CTNNA3: variants seen among roughly 807,000 people sequenced by gnomAD.
The protein encoded by CTNNA3 is catenin alpha 3.
In CTNNA3, 76 loss-of-function variants were observed where a neutral mutation model predicts 95.7. That is an observed-to-expected ratio of 0.79 (90% CI 0.66 to 0.96). The LOEUF (loss-of-function observed/expected upper bound fraction) is 0.96, where lower values mean the gene tolerates loss of function less well. CTNNA3 is among the 40% of genes least tolerant of loss of function. CTNNA3 has a pLI of 0.00. For missense variants in CTNNA3, 1,191 were observed against 1,089.8 expected (o/e 1.09, Z -1.31); for synonymous variants, 431 against 374.4 (o/e 1.15, Z -1.74).
At chr10:67,128,438 C>CTT (rs901244264) in intron 7 of CTNNA3, among the ~76,000 whole-genome samples, 1 of 147,982 alleles carries the variant, frequency 6.8e-6, no homozygotes. Flanking sequence ...TAATCTGATC[C>CTT]TTTTTTTTTT....
chr10:67,138,282 C>A (rs1256141237), intron 7 of CTNNA3, among the ~76,000 whole-genome samples: 1 of 152,122 alleles, frequency 6.6e-6, no homozygotes, highest in African/African-American at 2.4e-5. Flanking sequence ...CAGCAGTGGA[C>A]CCCTTCAGGT....
Position 67,077,180 on chromosome 10 carries a change from C to T in CTNNA3, c.1047+103137G>A, listed in dbSNP as rs545011300. ...ATCCACACTGCCATCTTGCTTCTCT[C>T]ATGGATCTTCCAGTAGCCTTTGAAC... On this transcript the variant is annotated intron_variant, in intron 7 of 17. Coordinates refer to ENST00000433211, the MANE Select transcript of CTNNA3 (RefSeq NM_013266.4). Among the ~76,000 whole-genome samples, 7 of 152,298 alleles carry T rather than the reference C, an allele frequency of 4.6e-5. No individual in the cohort carries two copies. The South Asian group carries it at 8.3e-4, about 18-fold the overall frequency.
intron 12 of CTNNA3, among the ~76,000 whole-genome samples, chr10:66,290,124 G>A (rs2091655183): frequency 6.6e-6 from 1 of 152,012 alleles, no homozygotes; most frequent in African/African-American, 2.4e-5. Context: ...TGGGTGGATA[G>A]ATGCATAGAT....
chr10:65,923,338 A>G (rs2077118693), intron 17 of CTNNA3, among the ~76,000 whole-genome samples: 1 of 152,238 alleles, frequency 6.6e-6, no homozygotes, highest in East Asian at 1.9e-4. Context: ...ATGCCACAGT[A>G]AATGCTTAAA....
chr10:66,915,617 T>A (rs539982775), intron 7 of CTNNA3, among the ~76,000 whole-genome samples: 4 of 151,660 alleles, frequency 2.6e-5, no homozygotes, highest in Admixed American at 2.6e-4. Context: ...GAATTGGATA[T>A]TGGAGCCAAG....
chr10:67,424,086 T>G (rs553741764), intron 5 of CTNNA3, among the ~76,000 whole-genome samples: 1 of 152,272 alleles, frequency 6.6e-6, no homozygotes, highest in East Asian at 1.9e-4. Flanking sequence ...ATTAACACAG[T>G]CAGCCCTAAT....
In CTNNA3 at chr10:66,919,298, T is replaced by C. The variant is rs560573497; in HGVS notation, c.1048-143774A>G. On this transcript the variant is annotated intron_variant, in intron 7 of 17. Coordinates refer to ENST00000433211, the MANE Select transcript of CTNNA3 (RefSeq NM_013266.4). ...AGTTGATATTTATTATACTAGCCTCTCAACTTTTGCGTATGCTTTACCTTT... is the reference window on the plus strand; with the variant it reads ...AGTTGATATTTATTATACTAGCCTCCCAACTTTTGCGTATGCTTTACCTTT... 1.3e-4 allele frequency among the ~76,000 whole-genome samples: 20 copies of C among 152,258 alleles called. No individual in the cohort carries two copies. In the East Asian group the frequency reaches 3.7e-3, roughly 28 times the overall value.
intron 6 of CTNNA3, among the ~76,000 whole-genome samples, chr10:67,190,338 A>C (rs1189478814): frequency 6.6e-6 from 1 of 152,058 alleles, no homozygotes; most frequent in Admixed American, 6.6e-5. Context: ...ACGAGCACAC[A>C]ACAACACTTT....
chr10:66,790,364 G>T (rs868312913), intron 7 of CTNNA3, among the ~76,000 whole-genome samples: 2 of 152,028 alleles, frequency 1.3e-5, no homozygotes, highest in African/African-American at 4.8e-5. Flanking sequence ...AAGGAGAATC[G>T]CTTGAGGCAG....
chr10:67,279,487 G>A (rs1356427716), intron 5 of CTNNA3, among the ~76,000 whole-genome samples: 1 of 149,610 alleles, frequency 6.7e-6, no homozygotes, highest in Non-Finnish European at 1.5e-5. Flanking sequence ...GGAGGGGAAG[G>A]AGGGAGAGTA....
chr10:67,317,431 C>CT lies in CTNNA3; in HGVS notation c.580-97562dup, dbSNP rs11318586. Among the ~76,000 whole-genome samples, 329 of 131,028 alleles carry CT rather than the reference C, an allele frequency of 2.5e-3. 1 individual carries two copies. Among genetic ancestry groups the CT allele is most frequent in the African/African-American group, 8.5e-3 (298 of 34,888 alleles). The allele number at this position is 131,028 out of a possible 152,430, so 86.0% of individuals were successfully genotyped here. A position where few individuals can be genotyped will look rare whatever the true frequency, so the allele number is the denominator to read the frequency against. Reference sequence around the variant, plus strand: ...CCTGTGTCCATGTGTTCTCATTGTTCTTTTTTTTTTTTTGAGATTGAGTCT... The same window carrying CT: ...CCTGTGTCCATGTGTTCTCATTGTTCTTTTTTTTTTTTTTGAGATTGAGTCT... On this transcript the variant is annotated intron_variant, in intron 5 of 17. Transcript: ENST00000433211.
At chr10:67,125,224 T>A (rs2132003916) in intron 7 of CTNNA3, among the ~76,000 whole-genome samples, 1 of 152,276 alleles carries the variant, frequency 6.6e-6, no homozygotes, top group Middle Eastern at 3.4e-3. Context: ...CAGTTGAAAG[T>A]CCTATGACAT....
chr10:66,194,621 T>C (rs929120101), intron 13 of CTNNA3, among the ~76,000 whole-genome samples: 3 of 152,156 alleles, frequency 2.0e-5, no homozygotes, highest in East Asian at 1.9e-4. Context: ...AAACTTACCA[T>C]TGAGTGAAAT....
chr10:66,144,767 C>T (rs1177105730), intron 13 of CTNNA3, among the ~76,000 whole-genome samples: 2 of 152,280 alleles, frequency 1.3e-5, no homozygotes, highest in Non-Finnish European at 2.9e-5. Flanking sequence ...GGATTACAGG[C>T]GTGAGCCATG....
At chr10:66,401,719 T>A (rs1438430380) in intron 11 of CTNNA3, among the ~76,000 whole-genome samples, 2 of 142,848 alleles carry the variant, frequency 1.4e-5, no homozygotes, top group African/African-American at 5.3e-5. Flanking sequence ...AATGCAGTGG[T>A]GTGATCTTGG....
intron 13 of CTNNA3, among the ~76,000 whole-genome samples, chr10:66,155,707 A>C (rs775681030): frequency 3.3e-5 from 5 of 151,962 alleles, no homozygotes; most frequent in African/African-American, 4.8e-5. Flanking sequence ...TAATGTCATA[A>C]AAATGTGTTA....
chr10:66,842,497 TA>T (rs1180562379), intron 7 of CTNNA3, among the ~76,000 whole-genome samples: 4 of 152,106 alleles, frequency 2.6e-5, no homozygotes, highest in African/African-American at 9.7e-5. Context: ...TGGGGAAAAT[TA>T]AAATTCGCTG....
Position 66,857,388 on chromosome 10 carries a change from AAT to A in CTNNA3, c.1048-81866_1048-81865del, listed in dbSNP as rs796397370. 8.4e-4 allele frequency among the ~76,000 whole-genome samples: 81 copies of A among 96,152 alleles called. No individual in the cohort carries two copies. The South Asian group carries it at 0.019, about 22-fold the overall frequency. 63.1% of individuals were successfully genotyped at this position (96,152 alleles called of 152,430 possible). A position where few individuals can be genotyped will look rare whatever the true frequency, so the allele number is the denominator to read the frequency against. On this transcript the variant is annotated intron_variant, in intron 7 of 17. Coordinates refer to ENST00000433211, the MANE Select transcript of CTNNA3 (RefSeq NM_013266.4). ...TAGTACTGCCTTGGCTATTTGGACT[AAT>A]TTTTTTTTTTTGTTCCACATGAACT...
At chr10:66,342,695 C>T (rs1166505306) in intron 12 of CTNNA3, among the ~76,000 whole-genome samples, 1 of 151,980 alleles carries the variant, frequency 6.6e-6, no homozygotes, top group Non-Finnish European at 1.5e-5. Flanking sequence ...TCATATAATT[C>T]ATTAATTCCT....
Sources: allele counts gnomAD v4.1 joint callset (sites outside exome capture counted in the v4.1 genomes callset), GRCh38; gene constraint gnomAD v4.1.1; transcripts MANE v1.5; gene names NCBI Gene and HGNC (gene_info 2026-07-23, HGNC 2026-07-21).